The following FAM83B variants were observed in gnomAD, a reference collection of about 807,000 sequenced individuals.
FAM83B encodes scaffolding CK1 anchoring protein B, also known as protein FAM83B.
In FAM83B, 26 loss-of-function variants were observed where a neutral mutation model predicts 38.8. The observed-to-expected ratio is 0.67, with a 90% CI of 0.49 to 0.93. The LOEUF is 0.93. Among genes scored for constraint, FAM83B ranks in the 40% least tolerant of loss-of-function variants. The pLI, the probability that FAM83B is intolerant of heterozygous loss-of-function variation, is 0.00. For missense variants in FAM83B, 1,237 were observed against 1,197.3 expected (o/e 1.03, Z -0.49); for synonymous variants, 419 against 423.1 (o/e 0.99, Z 0.12).
At chr6:54,898,459 G>A (rs1291961324) in intron 2 of FAM83B, among the ~76,000 whole-genome samples, 2 of 152,136 alleles carry the variant, frequency 1.3e-5, no homozygotes. Flanking sequence ...ATGGGACAAA[G>A]GCCACAAAAA....
chr6:54,935,466 G>A (rs534223545), intron 4 of FAM83B, among the ~76,000 whole-genome samples: 29 of 152,166 alleles, frequency 1.9e-4, no homozygotes, highest in African/African-American at 6.7e-4. Flanking sequence ...ATTGAAGAGG[G>A]AACAATAGAT....
intron 3 of FAM83B, 31 bp downstream of exon 3, chr6:54,926,566 ATT>A: frequency 6.7e-7 from 1 of 1,483,796 alleles, no homozygotes; most frequent in Non-Finnish European, 9.1e-7. Flanking sequence ...TTCCTCAAGT[ATT>A]TTATGTGTCA....
At chr6:54,885,056 G>A (rs1039233532) in intron 2 of FAM83B, among the ~76,000 whole-genome samples, 2 of 152,130 alleles carry the variant, frequency 1.3e-5, no homozygotes, top group African/African-American at 4.8e-5. Flanking sequence ...ACAGGCGTGA[G>A]CCACTGCGCC....
At position 54,870,544 on chromosome 6, in the gene FAM83B, G is replaced by A; in HGVS notation, c.298G>A (p.Glu100Lys). ...GTYWPVESDV[E>K]APNLDLGWPY... ...CTACTGGCCTGTTGAGTCTGATGTG[G>A]AAGCTCCAAATCTTGACTTAGGCTG... The change falls in exon 2 of 5, where the codon GAA (glutamate) becomes AAA (lysine). Residue 100 changes from glutamate to lysine, a missense_variant. Transcript: ENST00000306858. 6.2e-7 allele frequency: 1 copy of A among 1,614,028 alleles called. No individual in the cohort carries two copies. Among genetic ancestry groups the A allele is most frequent in the Non-Finnish European group, 8.5e-7 (1 of 1,179,984 alleles).
chr6:54,893,399 A>C (rs556955685), intron 2 of FAM83B, among the ~76,000 whole-genome samples: 2 of 152,176 alleles, frequency 1.3e-5, no homozygotes, highest in East Asian at 1.9e-4. Context: ...TATTAGGGCA[A>C]ATTTTTCCAA....
intron 2 of FAM83B, among the ~76,000 whole-genome samples, chr6:54,881,912 C>T (rs1309084986): frequency 2.6e-5 from 4 of 152,210 alleles, no homozygotes; most frequent in African/African-American, 9.7e-5. Flanking sequence ...ATCCCTCCCC[C>T]TTCCCCCTGC....
chr6:54,864,682 TA>T (rs1771660401), intron 1 of FAM83B, among the ~76,000 whole-genome samples: 1 of 152,206 alleles, frequency 6.6e-6, no homozygotes, highest in Admixed American at 6.5e-5. Flanking sequence ...ATTGTTATCT[TA>T]AATTTCTGGT....
intron 2 of FAM83B, among the ~76,000 whole-genome samples, chr6:54,913,253 C>T (rs777106807): frequency 6.6e-6 from 1 of 152,004 alleles, no homozygotes; most frequent in Non-Finnish European, 1.5e-5. Context: ...AAATGTGAAA[C>T]ACCTCACCAA....
chr6:54,911,484 C>T lies in FAM83B; in HGVS notation c.445-14887C>T, dbSNP rs114743160. Among the ~76,000 whole-genome samples, 1,198 of 152,172 alleles carry T rather than the reference C, an allele frequency of 7.9e-3. 12 individuals are homozygous for T. Among genetic ancestry groups the T allele is most frequent in the African/African-American group, 0.027 (1,124 of 41,542 alleles). On this transcript the variant is annotated intron_variant, in intron 2 of 4. Coordinates refer to ENST00000306858, the MANE Select transcript of FAM83B (RefSeq NM_001010872.3). ...ATTAAATATTTTATTGAATAAGTTA[C>T]ATACTGTCACAAATTATAAATTCAG...
chr6:54,909,981 T>A (rs1204210352), intron 2 of FAM83B, among the ~76,000 whole-genome samples: 4 of 152,180 alleles, frequency 2.6e-5, no homozygotes, highest in Non-Finnish European at 5.9e-5. Context: ...GATGTGAAAC[T>A]AAGAAGAAAA....
rs562177491 is a variant in FAM83B at position 54,943,358 on chromosome 6, T to G, written c.*1351T>G. On this transcript the variant is annotated 3_prime_UTR_variant, in exon 5 of 5. Coordinates refer to ENST00000306858, the MANE Select transcript of FAM83B (RefSeq NM_001010872.3). The stretch of plus-strand genomic sequence containing the variant: ...TAATGAAGTATAAGCTCCATATCTG[T>G]TCCAGAGACTTTAACTTGACTTTGC... 6.6e-6 allele frequency: 1 copy of G among 152,338 alleles called. No individual in the cohort carries two copies. The highest frequency in any genetic ancestry group is 2.4e-5 in the African/African-American group (1 of 41,594). The allele number at this position is 152,338 out of a possible 1,614,324, so 9.4% of individuals were successfully genotyped here.
chr6:54,889,534 A>G (rs1772355399), intron 2 of FAM83B, among the ~76,000 whole-genome samples: 2 of 152,118 alleles, frequency 1.3e-5, no homozygotes, highest in African/African-American at 4.8e-5. Context: ...ATATAAAATG[A>G]CATGGTATTT....
intron 2 of FAM83B, among the ~76,000 whole-genome samples, chr6:54,925,429 T>A (rs748962506): frequency 2.6e-5 from 4 of 152,200 alleles, no homozygotes; most frequent in African/African-American, 9.7e-5. Context: ...ACATAGAAGG[T>A]GGACAGCCAC....
At chr6:54,852,754 C>G (rs113554108) in intron 1 of FAM83B, among the ~76,000 whole-genome samples, 5,405 of 152,210 alleles carry the variant, frequency 0.036, 318 homozygotes, top group African/African-American at 0.12. Context: ...AAGTGCTACT[C>G]CAGTAAACAC....
intron 2 of FAM83B, among the ~76,000 whole-genome samples, chr6:54,904,008 T>C (rs1168354709): frequency 6.6e-6 from 1 of 151,818 alleles, no homozygotes; most frequent in Non-Finnish European, 1.5e-5. Context: ...GGCTGAAAAC[T>C]GTCCTCTGCA....
chr6:54,910,877 G>GT (rs5876413), intron 2 of FAM83B, among the ~76,000 whole-genome samples: 46,317 of 151,466 alleles, frequency 0.31, 8,657 homozygotes, highest in East Asian at 0.8. Context: ...TTGAAGAACT[G>GT]TTTTTTTTCC....
intron 1 of FAM83B, among the ~76,000 whole-genome samples, chr6:54,867,821 G>A (rs1771755866): frequency 6.6e-6 from 1 of 151,992 alleles, no homozygotes; most frequent in Admixed American, 6.6e-5. Context: ...TAGGTAACAG[G>A]TGTTTAACAT....
In FAM83B at chr6:54,941,350, A is replaced by G. The variant is rs773437450; in HGVS notation, c.2379A>G (p.Lys793=). ...PDKKENLSKN[K]APAFYRLCSS... ...AGAAAGAAAATCTATCCAAAAATAA[A>G]GCACCTGCCTTTTATAGATTGTGTA... Residue 793 remains lysine, a synonymous_variant, in exon 5 of 5, where the codon AAA becomes AAG. Transcript: ENST00000306858. 1 of 1,613,118 alleles carries G rather than the reference A, an allele frequency of 6.2e-7. No individual in the cohort carries two copies. Among genetic ancestry groups the G allele is most frequent in the Non-Finnish European group, 8.5e-7 (1 of 1,179,814 alleles).
intron 2 of FAM83B, among the ~76,000 whole-genome samples, chr6:54,908,263 C>A (rs919211937): frequency 6.6e-6 from 1 of 150,618 alleles, no homozygotes; most frequent in Admixed American, 6.6e-5. Flanking sequence ...TATGTTTTTT[C>A]TTTCCTCTAT....
Sources: gnomAD v4.1 joint callset for allele counts (sites outside exome capture counted in the v4.1 genomes callset) on GRCh38, gnomAD v4.1.1 for gene constraint, MANE v1.5 for transcripts, NCBI Gene and HGNC (gene_info 2026-07-23, HGNC 2026-07-21) for gene names.